PPP3CA: variants seen among roughly 807,000 people sequenced by gnomAD.
The protein encoded by PPP3CA is protein phosphatase 3 catalytic subunit alpha, also known as CAM-PRP catalytic subunit.
Under a neutral mutation model 66.5 loss-of-function variants are expected in PPP3CA, and 14 were observed. That is an observed-to-expected ratio of 0.21 (90% CI 0.14 to 0.33). The LOEUF (loss-of-function observed/expected upper bound fraction) is 0.33, where lower values mean the gene tolerates loss of function less well. PPP3CA is among the 10% of genes least tolerant of loss of function. The pLI, the probability that PPP3CA is intolerant of heterozygous loss-of-function variation, is 1.00. For synonymous variants in PPP3CA, 232 were observed against 226.2 expected (o/e 1.03, Z -0.23); for missense variants, 317 against 639.5 (o/e 0.50, Z 5.44).
intron 1 of PPP3CA, among the ~76,000 whole-genome samples, chr4:101,243,229 C>T (rs1387947351): frequency 6.6e-6 from 1 of 152,218 alleles, no homozygotes; most frequent in Non-Finnish European, 1.5e-5. Context: ...AGCTCCCTGA[C>T]TCCCATATAC....
At chr4:101,106,351 C>A (rs1024042096) in intron 3 of PPP3CA, among the ~76,000 whole-genome samples, 5 of 106,434 alleles carry the variant, frequency 4.7e-5, no homozygotes, top group African/African-American at 1.2e-4. Context: ...CAGAGGGAGA[C>A]CCTGTCTCAT....
chr4:101,308,726 C>T (rs1356751534), intron 1 of PPP3CA, among the ~76,000 whole-genome samples: 2 of 152,108 alleles, frequency 1.3e-5, no homozygotes, highest in African/African-American at 2.4e-5. Flanking sequence ...ACACCTGGCC[C>T]ATAATTATTT....
In PPP3CA at chr4:101,127,806, A is replaced by C. The variant is rs140537103; in HGVS notation, c.260-18728T>G. Among the ~76,000 whole-genome samples the C allele has an allele frequency of 8.7e-4, 132 of 150,864 alleles. 1 individual carries two copies. In the East Asian group the frequency reaches 0.024, roughly 28 times the overall value. On this transcript the variant is annotated intron_variant, in intron 2 of 13. Coordinates refer to ENST00000394854, the MANE Select transcript of PPP3CA (RefSeq NM_000944.5). ...TAAAATATGTCAAGCAATGTTTCTA[A>C]GCATTTTGGATGAAATAGTTCAATT... is the stretch of plus-strand genomic sequence containing the variant.
intron 1 of PPP3CA, among the ~76,000 whole-genome samples, chr4:101,340,702 T>C (rs1729786866): frequency 6.6e-6 from 1 of 152,198 alleles, no homozygotes; most frequent in African/African-American, 2.4e-5. Flanking sequence ...TGAAATCCTA[T>C]TTCATTGCCT....
At chr4:101,141,357 G>C (rs1484410044) in intron 2 of PPP3CA, among the ~76,000 whole-genome samples, 1 of 152,066 alleles carries the variant, frequency 6.6e-6, no homozygotes, top group Non-Finnish European at 1.5e-5. Context: ...GCAAAAGAGA[G>C]AGACACTATC....
At chr4:101,055,984 T>A (rs901441379) in intron 10 of PPP3CA, among the ~76,000 whole-genome samples, 2 of 152,126 alleles carry the variant, frequency 1.3e-5, no homozygotes, top group Non-Finnish European at 2.9e-5. Flanking sequence ...TAAAGCATAT[T>A]ATATTTGCTT....
At chr4:101,228,069 G>A (rs1402832448) in intron 1 of PPP3CA, among the ~76,000 whole-genome samples, 1 of 151,646 alleles carries the variant, frequency 6.6e-6, no homozygotes, top group Non-Finnish European at 1.5e-5. Flanking sequence ...ATGGAATAAA[G>A]TTAAGTTCTA....
chr4:101,252,211 A>C (rs576573482), intron 1 of PPP3CA, among the ~76,000 whole-genome samples: 75 of 152,322 alleles, frequency 4.9e-4, no homozygotes, highest in African/African-American at 1.7e-3. Flanking sequence ...TCTAAAGTCC[A>C]TGTCCTTAGC....
chr4:101,035,683 G>C (rs1375206490), intron 11 of PPP3CA, among the ~76,000 whole-genome samples: 1 of 151,686 alleles, frequency 6.6e-6, no homozygotes, highest in South Asian at 2.1e-4. Flanking sequence ...TTTCTTTCTT[G>C]TTCAACCACA....
chr4:101,319,634 G>A (rs1020779134), intron 1 of PPP3CA, among the ~76,000 whole-genome samples: 1 of 151,980 alleles, frequency 6.6e-6, no homozygotes, highest in African/African-American at 2.4e-5. Context: ...ATAAGAATCA[G>A]GTTAATGGAG....
chr4:101,295,307 CAAAA>C (rs527366396), intron 1 of PPP3CA, among the ~76,000 whole-genome samples: 2 of 42,054 alleles, frequency 4.8e-5, no homozygotes, highest in Admixed American at 2.2e-4. Context: ...GACTCCGTCT[CAAAA>C]AAAAAAAAAA....
intron 1 of PPP3CA, among the ~76,000 whole-genome samples, chr4:101,301,678 G>A (rs1326573841): frequency 1.3e-5 from 2 of 148,960 alleles, no homozygotes; most frequent in South Asian, 2.1e-4. Flanking sequence ...ATTTTCAGTA[G>A]AGACGGGGTT....
At chr4:101,086,012 A>G (rs1729657962) in intron 6 of PPP3CA, among the ~76,000 whole-genome samples, 1 of 152,194 alleles carries the variant, frequency 6.6e-6, no homozygotes, top group Non-Finnish European at 1.5e-5. Flanking sequence ...AGACAGTATT[A>G]GCTACAGGGA....
intron 2 of PPP3CA, among the ~76,000 whole-genome samples, chr4:101,124,874 C>T (rs1472632558): frequency 6.6e-6 from 1 of 152,156 alleles, no homozygotes. Context: ...AGAGCTCTTT[C>T]ACATTGATAT....
chr4:101,264,821 A>G (rs1560687962), intron 1 of PPP3CA, among the ~76,000 whole-genome samples: 1 of 152,208 alleles, frequency 6.6e-6, no homozygotes, highest in South Asian at 2.1e-4. Flanking sequence ...ATGAGGGAAG[A>G]CAGGATAGAG....
chr4:101,077,288 A>G (rs1729236859), intron 8 of PPP3CA, among the ~76,000 whole-genome samples: 1 of 152,234 alleles, frequency 6.6e-6, no homozygotes, highest in African/African-American at 2.4e-5. Flanking sequence ...GCCAGATAGT[A>G]TTACTGCTGT....
chr4:101,329,410 C>G (rs758898633), intron 1 of PPP3CA, among the ~76,000 whole-genome samples: 8 of 152,098 alleles, frequency 5.3e-5, no homozygotes, highest in Non-Finnish European at 1.2e-4. Flanking sequence ...AGGCAAAAAG[C>G]CATCTCCACA....
At chr4:101,104,175 C>T (rs978587923) in intron 3 of PPP3CA, among the ~76,000 whole-genome samples, 1 of 152,146 alleles carries the variant, frequency 6.6e-6, no homozygotes, top group Non-Finnish European at 1.5e-5. Context: ...AACTGAAGTG[C>T]TCCCCTTTGC....
At chr4:101,111,941 T>A (rs1442539234) in intron 2 of PPP3CA, among the ~76,000 whole-genome samples, 1 of 151,774 alleles carries the variant, frequency 6.6e-6, no homozygotes, top group Non-Finnish European at 1.5e-5. Context: ...GAATAAGGAG[T>A]GGAAGGCATT....
Sources: gnomAD v4.1 joint callset for allele counts (sites outside exome capture counted in the v4.1 genomes callset) on GRCh38, gnomAD v4.1.1 for gene constraint, MANE v1.5 for transcripts, NCBI Gene and HGNC (gene_info 2026-07-23, HGNC 2026-07-21) for gene names.